Variants in EPM2A observed in about 807,000 individuals in gnomAD.
EPM2A encodes the protein laforin.
Under a neutral mutation model 26.5 loss-of-function variants are expected in EPM2A, and 21 were observed. The observed-to-expected ratio is 0.79, with a 90% confidence interval of 0.56 to 1.14. The LOEUF (loss-of-function observed/expected upper bound fraction) is 1.14. EPM2A is among the 50% of genes most tolerant of loss of function. The pLI is 0.00. For synonymous variants in EPM2A, 217 were observed against 177.6 expected (o/e 1.22, Z -1.76); for missense variants, 458 against 440.8 (o/e 1.04, Z -0.35).
At chr6:145,501,632 T>C in exon 4 of EPM2A, 3 of 371,196 alleles carry the variant, frequency 8.1e-6, no homozygotes, top group East Asian at 7.3e-5. Flanking sequence ...AGCATGCCTA[T>C]TATTACATAT....
intron 1 of EPM2A, among the ~76,000 whole-genome samples, chr6:145,705,018 T>C (rs1380730758): frequency 6.6e-6 from 1 of 152,256 alleles, no homozygotes; most frequent in Non-Finnish European, 1.5e-5. Flanking sequence ...GTATTCCAGT[T>C]TGAAATTTCT....
chr6:145,523,840 T>C (rs989214594), intron 2 of EPM2A, among the ~76,000 whole-genome samples: 3 of 152,160 alleles, frequency 2.0e-5, no homozygotes, highest in Admixed American at 6.5e-5. Context: ...CATGGGTATA[T>C]TGTGTAGTGG....
intron 4 of EPM2A, among the ~76,000 whole-genome samples, chr6:145,476,680 A>C (rs1421127194): frequency 6.6e-6 from 1 of 152,096 alleles, no homozygotes; most frequent in Non-Finnish European, 1.5e-5. Flanking sequence ...TAAAAATTAA[A>C]TATTATGCTC....
At chr6:145,687,146 G>A (rs969852571) in intron 1 of EPM2A, among the ~76,000 whole-genome samples, 1 of 152,136 alleles carries the variant, frequency 6.6e-6, no homozygotes, top group Non-Finnish European at 1.5e-5. Context: ...CCAAGGTGTT[G>A]GTATTAGAAG....
intron 2 of EPM2A, among the ~76,000 whole-genome samples, chr6:145,503,177 G>C (rs1224896185): frequency 6.6e-6 from 1 of 152,058 alleles, no homozygotes; most frequent in Non-Finnish European, 1.5e-5. Context: ...AATGTAAGAG[G>C]GCTCTTTTCA....
At chr6:145,654,211 A>T (rs1422933296) in intron 2 of EPM2A, among the ~76,000 whole-genome samples, 1 of 148,900 alleles carries the variant, frequency 6.7e-6, no homozygotes, top group East Asian at 2.0e-4. Context: ...TTTTTTTGAG[A>T]CAGAGTTTCA....
chr6:145,724,582 A>G (rs1776100257), intron 1 of EPM2A, among the ~76,000 whole-genome samples: 1 of 152,136 alleles, frequency 6.6e-6, no homozygotes, highest in Non-Finnish European at 1.5e-5. Context: ...CAAAGTTGGA[A>G]GATTCACACT....
intron 2 of EPM2A, among the ~76,000 whole-genome samples, chr6:145,559,354 A>T (rs1176505488): frequency 6.6e-6 from 1 of 152,092 alleles, no homozygotes; most frequent in Non-Finnish European, 1.5e-5. Flanking sequence ...AAAATAAACA[A>T]ATCCTGGTTC....
At chr6:145,498,583 T>C (rs1443670549), downstream of EPM2A, among the ~76,000 whole-genome samples, 3 of 152,172 alleles carry the variant, frequency 2.0e-5, no homozygotes, top group Admixed American at 6.5e-5. Flanking sequence ...TTTCCCAGGA[T>C]TGCACATTCA....
chr6:145,393,846 CAG>C (rs10559808), intron 4 of EPM2A, among the ~76,000 whole-genome samples: 7,455 of 148,822 alleles, frequency 0.05, 434 homozygotes, highest in African/African-American at 0.14. Context: ...TTTTTTGAGA[CAG>C]AGTCTCATTC....
chr6:145,615,138 G>A (rs1156949741), intron 2 of EPM2A, among the ~76,000 whole-genome samples: 1 of 152,186 alleles, frequency 6.6e-6, no homozygotes, highest in African/African-American at 2.4e-5. Context: ...TGGTTTAGCT[G>A]TGTCCCCACC....
chr6:145,474,266 A>G lies in EPM2A; in HGVS notation c.555+28256T>C, dbSNP rs771406453. Among the ~76,000 whole-genome samples, 21 of 152,184 alleles carry G rather than the reference A, an allele frequency of 1.4e-4. No homozygotes were observed. In the East Asian group the frequency reaches 3.1e-3, roughly 22 times the overall value. ...CACCTGAGGTCAGGAGTTTGAGACGAGTCTAACCAAACTGGTGAAACCCCA... is the reference window on the plus strand; with the variant it reads ...CACCTGAGGTCAGGAGTTTGAGACGGGTCTAACCAAACTGGTGAAACCCCA... On this transcript the variant is annotated intron_variant, in intron 4 of 4. Transcript: ENST00000638717.
At chr6:145,724,544 G>A (rs772848106) in intron 1 of EPM2A, among the ~76,000 whole-genome samples, 1 of 151,970 alleles carries the variant, frequency 6.6e-6, no homozygotes, top group Non-Finnish European at 1.5e-5. Flanking sequence ...TGACCAACAA[G>A]AGCCAACACA....
At chr6:145,667,504 G>A (rs1219359628) in intron 2 of EPM2A, among the ~76,000 whole-genome samples, 1 of 150,168 alleles carries the variant, frequency 6.7e-6, no homozygotes, top group Non-Finnish European at 1.5e-5. Context: ...TCATTAAAAA[G>A]TCAGGAAACA....
intron 2 of EPM2A, among the ~76,000 whole-genome samples, chr6:145,672,538 A>T (rs890145938): frequency 1.3e-5 from 2 of 152,258 alleles, no homozygotes; most frequent in Non-Finnish European, 2.9e-5. Flanking sequence ...AGAAAAAGAA[A>T]TAAGAACTAG....
At chr6:145,652,973 T>C (rs1777991747) in intron 2 of EPM2A, among the ~76,000 whole-genome samples, 1 of 152,204 alleles carries the variant, frequency 6.6e-6, no homozygotes, top group South Asian at 2.1e-4. Context: ...TCTTTATCTA[T>C]ATCAGAACTT....
chr6:145,610,701 A>T (rs1775374228), intron 2 of EPM2A, among the ~76,000 whole-genome samples: 1 of 152,196 alleles, frequency 6.6e-6, no homozygotes, highest in Non-Finnish European at 1.5e-5. Context: ...GAAATCAGAA[A>T]TCCTTTTGGG....
At chr6:145,704,709 A>G (rs1468299060) in intron 1 of EPM2A, among the ~76,000 whole-genome samples, 1 of 152,168 alleles carries the variant, frequency 6.6e-6, no homozygotes, top group African/African-American at 2.4e-5. Flanking sequence ...CAAATATTGT[A>G]CTTCATAGAG....
chr6:145,538,754 A>T (rs1384911694), intron 2 of EPM2A, among the ~76,000 whole-genome samples: 1 of 152,284 alleles, frequency 6.6e-6, no homozygotes, highest in East Asian at 1.9e-4. Flanking sequence ...CCCTAGGTTT[A>T]GCCAGTGAAT....
Sources: allele counts gnomAD v4.1 joint callset (sites outside exome capture counted in the v4.1 genomes callset), GRCh38; gene constraint gnomAD v4.1.1; transcripts MANE v1.5; gene names NCBI Gene and HGNC (gene_info 2026-07-23, HGNC 2026-07-21).